Variants in CTNNBL1 observed in about 807,000 individuals in gnomAD.
CTNNBL1 encodes catenin beta like 1.
A neutral mutation model predicts 72.7 loss-of-function variants in CTNNBL1; 31 were observed. The observed-to-expected ratio is 0.43, with a 90% CI of 0.32 to 0.58. The LOEUF (loss-of-function observed/expected upper bound fraction) is 0.58. CTNNBL1 is among the 20% of genes least tolerant of loss of function. The pLI, the probability that CTNNBL1 is intolerant of heterozygous loss-of-function variation, is 0.08. For synonymous variants in CTNNBL1, 240 were observed against 267.3 expected (o/e 0.90, Z 1.00); for missense variants, 534 against 725.1 (o/e 0.74, Z 3.03).
intron 1 of CTNNBL1, among the ~76,000 whole-genome samples, chr20:37,709,374 A>C (rs887410866): frequency 6.6e-6 from 1 of 152,206 alleles, no homozygotes; most frequent in Non-Finnish European, 1.5e-5. Context: ...ATTTCCAGTT[A>C]AGAGCATCTC....
chr20:37,870,431 C>T (rs1010333470), intron 15 of CTNNBL1, among the ~76,000 whole-genome samples: 2 of 152,168 alleles, frequency 1.3e-5, no homozygotes, highest in South Asian at 2.1e-4. Flanking sequence ...CCAGTCCTTG[C>T]GGGGATTCTG....
chr20:37,732,668 G>T (rs2073139179), intron 1 of CTNNBL1, among the ~76,000 whole-genome samples: 1 of 152,164 alleles, frequency 6.6e-6, no homozygotes, highest in Non-Finnish European at 1.5e-5. Context: ...AAGCTTTTAG[G>T]ATATTTGCTG....
chr20:37,824,483 C>G (rs918040282), intron 11 of CTNNBL1, among the ~76,000 whole-genome samples: 3 of 152,202 alleles, frequency 2.0e-5, no homozygotes, highest in Admixed American at 2.0e-4. Flanking sequence ...CTCTCAGGCT[C>G]TCTTTTGGCC....
At chr20:37,761,072 G>A (rs916791114) in intron 5 of CTNNBL1, among the ~76,000 whole-genome samples, 2 of 152,104 alleles carry the variant, frequency 1.3e-5, no homozygotes, top group Non-Finnish European at 2.9e-5. Context: ...GTGTTCTGTG[G>A]ACATGAAGAG....
intron 15 of CTNNBL1, among the ~76,000 whole-genome samples, chr20:37,861,423 T>C (rs2072490775): frequency 1.3e-5 from 2 of 152,202 alleles, no homozygotes; most frequent in African/African-American, 4.8e-5. Context: ...CGTGTGGCAG[T>C]GGAGGCCCAT....
chr20:37,827,583 C>T (rs1042811700), intron 11 of CTNNBL1, among the ~76,000 whole-genome samples: 2 of 152,184 alleles, frequency 1.3e-5, no homozygotes, highest in African/African-American at 4.8e-5. Context: ...CCCTTTTTCC[C>T]CTGAGAAAGA....
chr20:37,864,831 C>CTTTG (rs5841276), intron 15 of CTNNBL1, among the ~76,000 whole-genome samples: 115,561 of 151,582 alleles, frequency 0.76, 44,191 homozygotes, highest in East Asian at 0.85. Flanking sequence ...CTGTAGGCTT[C>CTTTG]TTCTATTCCA....
intron 1 of CTNNBL1, among the ~76,000 whole-genome samples, chr20:37,718,620 C>T (rs112731848): frequency 0.071 from 10,577 of 148,680 alleles, 448 homozygotes; most frequent in African/African-American, 0.1. Flanking sequence ...CCGGACGGGG[C>T]GGCTGGCCAG....
chr20:37,698,485 TA>T (rs879131921), intron 1 of CTNNBL1, among the ~76,000 whole-genome samples: 1 of 152,212 alleles, frequency 6.6e-6, no homozygotes, highest in South Asian at 2.1e-4. Flanking sequence ...AATCATGGTC[TA>T]AGGCTTGGAA....
chr20:37,806,502 G>A (rs1422387043), intron 11 of CTNNBL1, among the ~76,000 whole-genome samples: 2 of 152,178 alleles, frequency 1.3e-5, no homozygotes, highest in Non-Finnish European at 2.9e-5. Flanking sequence ...TGGGTTTTAG[G>A]CCTCACAAGG....
At chr20:37,734,286 G>A (rs372392622) in intron 2 of CTNNBL1, among the ~76,000 whole-genome samples, 1 of 152,292 alleles carries the variant, frequency 6.6e-6, no homozygotes, top group East Asian at 1.9e-4. Context: ...AAAAGATGAT[G>A]GCACTTTAGA....
intron 13 of CTNNBL1, among the ~76,000 whole-genome samples, chr20:37,843,892 C>T (rs1203024515): frequency 2.0e-5 from 3 of 152,186 alleles, no homozygotes; most frequent in Non-Finnish European, 4.4e-5. Flanking sequence ...TACAGTGATA[C>T]TACTGCAAGA....
chr20:37,699,671 T>C (rs545224170), intron 1 of CTNNBL1, among the ~76,000 whole-genome samples: 55 of 152,316 alleles, frequency 3.6e-4, no homozygotes, highest in African/African-American at 1.3e-3. Flanking sequence ...CTCAGGGACA[T>C]AAGGGAACAA....
intron 1 of CTNNBL1, among the ~76,000 whole-genome samples, chr20:37,703,313 A>G (rs1355230361): frequency 6.6e-6 from 1 of 152,208 alleles, no homozygotes; most frequent in Non-Finnish European, 1.5e-5. Flanking sequence ...CCAGGTTTCT[A>G]TCCAGGATCC....
At chr20:37,798,995 G>A (rs1364961467) in intron 10 of CTNNBL1, among the ~76,000 whole-genome samples, 1 of 152,200 alleles carries the variant, frequency 6.6e-6, no homozygotes, top group African/African-American at 2.4e-5. Context: ...GTCTCTGTTA[G>A]AATTTTCATC....
intron 1 of CTNNBL1, among the ~76,000 whole-genome samples, chr20:37,702,860 T>C (rs967538074): frequency 6.6e-6 from 1 of 152,220 alleles, no homozygotes; most frequent in African/African-American, 2.4e-5. Flanking sequence ...AATACATGGT[T>C]GTTTAATGAT....
chr20:37,694,060 G>A lies in CTNNBL1; in HGVS notation c.-63G>A. On this transcript the variant is annotated 5_prime_UTR_variant, in exon 1 of 16. Transcript: ENST00000361383. Reference sequence around the variant, plus strand: ...TTACGGCAGTGTGGCTGGAGCCGCGGCTGACGGGCCCGCGGTCTGGGCGTG... The same window carrying A: ...TTACGGCAGTGTGGCTGGAGCCGCGACTGACGGGCCCGCGGTCTGGGCGTG... The A allele has an allele frequency of 6.4e-7, 1 of 1,569,400 alleles. No individual in the cohort carries two copies. Among genetic ancestry groups the A allele is most frequent in the Non-Finnish European group, 8.7e-7 (1 of 1,155,138 alleles).
At chr20:37,707,930 A>G (rs577216426) in intron 1 of CTNNBL1, among the ~76,000 whole-genome samples, 63 of 150,826 alleles carry the variant, frequency 4.2e-4, no homozygotes, top group African/African-American at 1.2e-3. Context: ...AGACCTGAGG[A>G]GAGAGAGAGA....
intron 3 of CTNNBL1, among the ~76,000 whole-genome samples, chr20:37,740,733 T>A (rs1399713833): frequency 6.6e-6 from 1 of 152,234 alleles, no homozygotes; most frequent in Non-Finnish European, 1.5e-5. Context: ...GGCAGTGATG[T>A]CATCATGTCA....
Sources: allele counts gnomAD v4.1 joint callset (sites outside exome capture counted in the v4.1 genomes callset), GRCh38; gene constraint gnomAD v4.1.1; transcripts MANE v1.5; gene names NCBI Gene and HGNC (gene_info 2026-07-23, HGNC 2026-07-21).